Variants in MRTFA observed in about 807,000 individuals in gnomAD.
The protein encoded by MRTFA is myocardin-related transcription factor A.
A neutral mutation model predicts 83.5 loss-of-function variants in MRTFA; 20 were observed. That is an observed-to-expected ratio of 0.24 (90% CI 0.17 to 0.35). The LOEUF (loss-of-function observed/expected upper bound fraction) is 0.35, where lower values mean the gene tolerates loss of function less well. Ranked by LOEUF, MRTFA falls within the 10% of genes least tolerant of loss-of-function variation. The probability of loss-of-function intolerance (pLI) is 1.00; values close to 1 mark genes in which losing one functional copy is unlikely to be tolerated. For missense variants in MRTFA, 1,200 were observed against 1,224.7 expected (o/e 0.98, Z 0.30); for synonymous variants, 659 against 541.2 (o/e 1.22, Z -3.02).
intron 7 of MRTFA, among the ~76,000 whole-genome samples, chr22:40,428,695 T>C (rs959151035): frequency 6.6e-6 from 1 of 152,104 alleles, no homozygotes; most frequent in African/African-American, 2.4e-5. Context: ...TTGATTTTTT[T>C]TGTAGAGATG....
intron 3 of MRTFA, among the ~76,000 whole-genome samples, chr22:40,502,034 AC>A (rs1353895489): frequency 9.3e-6 from 1 of 107,608 alleles, no homozygotes; most frequent in African/African-American, 3.7e-5. Flanking sequence ...CGGGGGGCTG[AC>A]CCCCCCACCT....
chr22:40,601,876 G>A (rs1357354937), intron 1 of MRTFA, among the ~76,000 whole-genome samples: 2 of 152,110 alleles, frequency 1.3e-5, no homozygotes, highest in Non-Finnish European at 2.9e-5. Context: ...AGAGGTAGGG[G>A]GTCAAATCTC....
intron 2 of MRTFA, among the ~76,000 whole-genome samples, chr22:40,563,503 GAAAAAAAA>G (rs55787923): frequency 4.4e-5 from 4 of 89,922 alleles, no homozygotes; most frequent in African/African-American, 8.1e-5. Flanking sequence ...CACAGATACA[GAAAAAAAA>G]AAAAAAAAAG....
intron 2 of MRTFA, among the ~76,000 whole-genome samples, chr22:40,576,076 T>TGGA (rs2055864069): frequency 6.6e-6 from 1 of 150,572 alleles, no homozygotes; most frequent in Non-Finnish European, 1.5e-5. Flanking sequence ...TCTCCCAGGC[T>TGGA]GGAGTACAGT....
chr22:40,620,588 A>C (rs2056510991), intron 1 of MRTFA, among the ~76,000 whole-genome samples: 2 of 151,956 alleles, frequency 1.3e-5, no homozygotes, highest in South Asian at 4.2e-4. Flanking sequence ...AAATATGTTA[A>C]AATTAGGAAA....
At chr22:40,583,769 G>A (rs781461047) in intron 2 of MRTFA, among the ~76,000 whole-genome samples, 7 of 152,154 alleles carry the variant, frequency 4.6e-5, no homozygotes, top group Admixed American at 1.3e-4. Context: ...GATCTGAGGT[G>A]GAAGAGCTTC....
intron 4 of MRTFA, among the ~76,000 whole-genome samples, chr22:40,438,296 T>C (rs1387421480): frequency 6.6e-6 from 1 of 152,262 alleles, no homozygotes; most frequent in Non-Finnish European, 1.5e-5. Context: ...CAGGTGTTGC[T>C]GTCACCAAAT....
intron 4 of MRTFA, among the ~76,000 whole-genome samples, chr22:40,444,810 G>T (rs2053346084): frequency 6.6e-6 from 1 of 152,070 alleles, no homozygotes; most frequent in Non-Finnish European, 1.5e-5. Flanking sequence ...GCTCACACCT[G>T]TAACCCCAGC....
intron 1 of MRTFA, among the ~76,000 whole-genome samples, chr22:40,624,603 A>G (rs1228968056): frequency 6.6e-6 from 1 of 152,132 alleles, no homozygotes; most frequent in Non-Finnish European, 1.5e-5. Flanking sequence ...TCATGAAGGT[A>G]AAGTTTTGAG....
intron 2 of MRTFA, among the ~76,000 whole-genome samples, chr22:40,588,423 G>A (rs1293995835): frequency 6.6e-6 from 1 of 152,158 alleles, no homozygotes; most frequent in African/African-American, 2.4e-5. Flanking sequence ...CATTTTGGGT[G>A]AACAATTCTG....
intron 3 of MRTFA, among the ~76,000 whole-genome samples, chr22:40,490,598 CAAAAAAAA>C (rs35001108): frequency 1.6e-5 from 2 of 128,710 alleles, no homozygotes; most frequent in African/African-American, 6.1e-5. Flanking sequence ...GATTCCATCT[CAAAAAAAA>C]AAAAAAGAAA....
intron 4 of MRTFA, among the ~76,000 whole-genome samples, chr22:40,457,432 GAAAGAGAAAGAA>G (rs1254150179): frequency 1.3e-4 from 12 of 90,848 alleles, no homozygotes; most frequent in African/African-American, 4.8e-4. Flanking sequence ...ATGAAAGAAA[GAAAGAGAAAGAA>G]AGAAAGAAAG....
rs201694198 is a variant in MRTFA, at chr22:40,538,985, C to CTTTT, written c.241+13117_241+13120dup. ...GACATTATACTGCAGGATACACAGC[C>CTTTT]TTTTGTTTTTTTTTTTTTTTTTTTT... On this transcript the variant is annotated intron_variant, in intron 3 of 14. Transcript: ENST00000355630. Among the ~76,000 whole-genome samples the CTTTT allele has an allele frequency of 1.3e-3, 139 of 106,920 alleles. 10 individuals carry two copies. The highest frequency in any genetic ancestry group is 5.6e-3 in the Middle Eastern group (1 of 180). 70.1% of individuals were successfully genotyped at this position (106,920 alleles called of 152,430 possible).
At chr22:40,480,233 C>T (rs1298171352) in intron 3 of MRTFA, among the ~76,000 whole-genome samples, 3 of 151,928 alleles carry the variant, frequency 2.0e-5, no homozygotes, top group African/African-American at 7.3e-5. Context: ...TCTTCAATCA[C>T]CTCTCTTTTC....
chr22:40,503,337 C>T (rs1318166593), intron 3 of MRTFA, among the ~76,000 whole-genome samples: 1 of 152,126 alleles, frequency 6.6e-6, no homozygotes, highest in Admixed American at 6.5e-5. Flanking sequence ...AGTCTGGGGG[C>T]CAGGCATGAT....
At chr22:40,506,456 C>T (rs928230257) in intron 3 of MRTFA, among the ~76,000 whole-genome samples, 6 of 152,136 alleles carry the variant, frequency 3.9e-5, no homozygotes, top group African/African-American at 1.4e-4. Flanking sequence ...CAGTTTTATG[C>T]AATATTTACA....
intron 14 of MRTFA, among the ~76,000 whole-genome samples, chr22:40,413,481 G>A (rs1195699251): frequency 6.6e-6 from 1 of 151,880 alleles, no homozygotes; most frequent in African/African-American, 2.4e-5. Context: ...ACAGGCACGT[G>A]CCACCATGCC....
At chr22:40,547,581 G>A (rs552437469) in intron 3 of MRTFA, among the ~76,000 whole-genome samples, 1 of 152,298 alleles carries the variant, frequency 6.6e-6, no homozygotes, top group South Asian at 2.1e-4. Flanking sequence ...GGCTGGGCAT[G>A]GTGGCTCACG....
intron 3 of MRTFA, among the ~76,000 whole-genome samples, chr22:40,503,925 TA>T (rs879928813): frequency 0.028 from 4,043 of 144,972 alleles, 190 homozygotes; most frequent in African/African-American, 0.094. Context: ...GTCTCAAGTT[TA>T]AAAAAAAAAA....
Sources: allele counts gnomAD v4.1 joint callset (sites outside exome capture counted in the v4.1 genomes callset), GRCh38; gene constraint gnomAD v4.1.1; transcripts MANE v1.5; gene names NCBI Gene and HGNC (gene_info 2026-07-23, HGNC 2026-07-21).